STAU1: variants seen among roughly 807,000 people sequenced by gnomAD.
STAU1 encodes the protein staufen double-stranded RNA binding protein 1, also known as double-stranded RNA-binding protein Staufen homolog 1.
STAU1 carries 13 observed loss-of-function variants against 62.9 expected under a neutral mutation model. The ratio of observed to expected loss-of-function variants is 0.21; its 90% CI spans 0.13 to 0.33. The LOEUF is 0.33. Ranked by LOEUF, STAU1 falls within the 10% of genes least tolerant of loss-of-function variation. STAU1 has a pLI of 1.00. For missense variants in STAU1, 571 were observed against 712.1 expected (o/e 0.80, Z 2.25); for synonymous variants, 269 against 265.1 (o/e 1.01, Z -0.14).
chr20:49,193,622 TATC>T, the STAU1 span, among the ~76,000 whole-genome samples: 1 of 143,026 alleles, frequency 7.0e-6, no homozygotes, highest in Non-Finnish European at 1.5e-5. Context: ...ACTGAGCCAA[TATC>T]ATACCACTGC....
At chr20:49,205,363 GTTTTTTT>G in the STAU1 span, among the ~76,000 whole-genome samples, 1 of 118,126 alleles carries the variant, frequency 8.5e-6, no homozygotes, top group African/African-American at 3.1e-5. Context: ...CTTTATGACA[GTTTTTTT>G]TTTTTTTTTT....
intron 3 of STAU1, among the ~76,000 whole-genome samples, chr20:49,157,169 G>A (rs2093372850): frequency 1.3e-5 from 2 of 152,018 alleles, no homozygotes; most frequent in Admixed American, 6.6e-5. Context: ...GACCCACCAC[G>A]TCCAGCCTCA....
At chr20:49,174,722 G>A (rs2093637698) in intron 1 of STAU1, among the ~76,000 whole-genome samples, 1 of 152,280 alleles carries the variant, frequency 6.6e-6, no homozygotes, top group Middle Eastern at 3.4e-3. Context: ...TGGATCACGA[G>A]GTCAGGAGAT....
chr20:49,135,360 T>A (rs1047716976), intron 6 of STAU1, among the ~76,000 whole-genome samples: 2 of 152,256 alleles, frequency 1.3e-5, no homozygotes, highest in African/African-American at 4.8e-5. Flanking sequence ...CATTGATTAT[T>A]GTTTTTAGAA....
chr20:49,191,033 A>T (rs996077282), upstream of STAU1, among the ~76,000 whole-genome samples: 141 of 141,984 alleles, frequency 9.9e-4, no homozygotes, highest in East Asian at 0.016. Flanking sequence ...ATTTTTAATT[A>T]TTTTTTTTTT....
chr20:49,186,130 G>A (rs894405892), intron 1 of STAU1, among the ~76,000 whole-genome samples: 4 of 152,100 alleles, frequency 2.6e-5, no homozygotes, highest in East Asian at 1.9e-4. Context: ...GGTGGATCAC[G>A]AGGTTAGGAG....
chr20:49,160,382 A>T (rs6125576), intron 3 of STAU1, among the ~76,000 whole-genome samples: 48,373 of 152,148 alleles, frequency 0.32, 9,084 homozygotes, highest in Middle Eastern at 0.47. Context: ...CTCATCCTTA[A>T]TTATATTATC....
At chr20:49,204,630 A>ATGTG in the STAU1 span, among the ~76,000 whole-genome samples, 36 of 55,984 alleles carry the variant, frequency 6.4e-4, no homozygotes, top group Middle Eastern at 7.8e-3. Flanking sequence ...ATATGTGTAT[A>ATGTG]TATATATATA....
At chr20:49,214,534 C>G in the STAU1 span, among the ~76,000 whole-genome samples, 1 of 110,956 alleles carries the variant, frequency 9.0e-6, no homozygotes. Context: ...AAAAAAAAAA[C>G]AATAACAAGA....
intron 4 of STAU1, among the ~76,000 whole-genome samples, chr20:49,153,208 C>T (rs545206350): frequency 1.5e-4 from 22 of 147,270 alleles, no homozygotes; most frequent in African/African-American, 5.5e-4. Context: ...CGAGATCATG[C>T]CACTGCACTC....
At chr20:49,196,225 A>T in the STAU1 span, among the ~76,000 whole-genome samples, 14 of 147,752 alleles carry the variant, frequency 9.5e-5, no homozygotes, top group East Asian at 2.7e-3. Context: ...TCACGAGGTC[A>T]GGAGATCAAG....
intron 5 of STAU1, among the ~76,000 whole-genome samples, chr20:49,139,824 G>A (rs929594262): frequency 6.6e-6 from 1 of 152,050 alleles, no homozygotes; most frequent in Non-Finnish European, 1.5e-5. Flanking sequence ...ATGGAGAAAT[G>A]AGAAGCTTCC....
Position 49,118,332 on chromosome 20 carries a change from C to A in STAU1, c.1189+1G>T. The stretch of plus-strand genomic sequence containing the variant: ...GAAGACGATATTAAGATCACACTTA[C>A]TAGTCCCATTTTCATCCCCAGAGCC... On this transcript the variant is annotated splice_donor_variant, in intron 10 of 13. Coordinates refer to ENST00000371856, the MANE Select transcript of STAU1 (RefSeq NM_017453.4). LOFTEE classifies it high-confidence loss of function. The A allele has an allele frequency of 6.2e-7, 1 of 1,613,200 alleles. No homozygotes were observed. Among genetic ancestry groups the A allele is most frequent in the Non-Finnish European group, 8.5e-7 (1 of 1,179,316 alleles).
intron 1 of STAU1, among the ~76,000 whole-genome samples, chr20:49,176,585 T>C (rs1248199190): frequency 6.6e-6 from 1 of 152,202 alleles, no homozygotes; most frequent in Non-Finnish European, 1.5e-5. Flanking sequence ...ATTCCAGAAA[T>C]AAATCATGAG....
chr20:49,141,598 A>G (rs2093008914), intron 5 of STAU1, among the ~76,000 whole-genome samples: 1 of 152,198 alleles, frequency 6.6e-6, no homozygotes, highest in African/African-American at 2.4e-5. Context: ...CTCCATCTCA[A>G]AACACAAGGC....
At chr20:49,207,607 C>T in the STAU1 span, among the ~76,000 whole-genome samples, 751 of 151,406 alleles carry the variant, frequency 5.0e-3, 2 homozygotes, top group Non-Finnish European at 8.5e-3. Flanking sequence ...CCTCCGCCTC[C>T]CAGGTTCAAG....
intron 6 of STAU1, among the ~76,000 whole-genome samples, chr20:49,125,983 A>C (rs965522626): frequency 8.6e-5 from 13 of 152,032 alleles, no homozygotes; most frequent in African/African-American, 3.1e-4. Context: ...TAAGTCAACA[A>C]AGATGGGGAA....
At chr20:49,159,043 A>G in intron 3 of STAU1, 1 of 1,269,900 alleles carries the variant, frequency 7.9e-7, no homozygotes, top group Middle Eastern at 2.2e-4. Flanking sequence ...ATGAACTCAA[A>G]ACCCTGGCAG....
At chr20:49,153,739 AAAAGAAAG>A in intron 4 of STAU1, among the ~76,000 whole-genome samples, 186 bp downstream of exon 4, 1 of 145,464 alleles carries the variant, frequency 6.9e-6, no homozygotes, top group African/African-American at 2.6e-5. Context: ...AAAAAAAAAA[AAAAGAAAG>A]AAAGAAAAAA....
Sources: gnomAD v4.1 joint callset for allele counts (sites outside exome capture counted in the v4.1 genomes callset) on GRCh38, gnomAD v4.1.1 for gene constraint, MANE v1.5 for transcripts, NCBI Gene and HGNC (gene_info 2026-07-23, HGNC 2026-07-21) for gene names.